ROPN1L: variants seen among roughly 807,000 people sequenced by gnomAD.
The protein encoded by ROPN1L is rhophilin associated tail protein 1 like.
A neutral mutation model predicts 22.7 loss-of-function variants in ROPN1L; 23 were observed. The observed-to-expected ratio is 1.01, with a 90% CI of 0.73 to 1.43. The LOEUF is 1.43. ROPN1L is among the 40% of genes most tolerant of loss of function. The pLI is 0.00. For synonymous variants in ROPN1L, 116 were observed against 117.8 expected (o/e 0.98, Z 0.10); for missense variants, 271 against 291.5 (o/e 0.93, Z 0.51).
intron 1 of ROPN1L, among the ~76,000 whole-genome samples, chr5:10,444,185 GTT>G (rs1740981284): frequency 6.6e-6 from 1 of 152,208 alleles, no homozygotes; most frequent in Admixed American, 6.5e-5. Context: ...ATTTATAAGA[GTT>G]TGTGCTGTAC....
intron 3 of ROPN1L, among the ~76,000 whole-genome samples, chr5:10,452,245 T>C (rs1206749737): frequency 1.3e-5 from 2 of 151,420 alleles, no homozygotes; most frequent in African/African-American, 4.9e-5. Flanking sequence ...GTTCTGGGAT[T>C]ATAGATTACA....
chr5:10,477,704 C>T, the ROPN1L span, among the ~76,000 whole-genome samples: 14 of 152,190 alleles, frequency 9.2e-5, no homozygotes, highest in Admixed American at 3.9e-4. Flanking sequence ...CCAAGGCAAT[C>T]GGATCATTTG....
chr5:10,462,659 C>T (rs1365241723), intron 4 of ROPN1L, among the ~76,000 whole-genome samples: 1 of 152,068 alleles, frequency 6.6e-6, no homozygotes, highest in Non-Finnish European at 1.5e-5. Flanking sequence ...TTTGGGAGTC[C>T]GAGGCAGGTG....
At chr5:10,476,251 C>T (rs910580500), downstream of ROPN1L, among the ~76,000 whole-genome samples, 1 of 152,244 alleles carries the variant, frequency 6.6e-6, no homozygotes, top group African/African-American at 2.4e-5. Flanking sequence ...CCAGCTCTGC[C>T]AGACCCCTCT....
intron 3 of ROPN1L, among the ~76,000 whole-genome samples, chr5:10,455,283 C>T (rs1741381974): frequency 6.6e-6 from 1 of 152,232 alleles, no homozygotes; most frequent in Non-Finnish European, 1.5e-5. Flanking sequence ...GTTTCCGCAG[C>T]TAGGGCTCGA....
rs148979217 is a variant in ROPN1L, at chr5:10,461,284, G to A, written c.518G>A (p.Arg173His). 4.3e-5 allele frequency: 70 copies of A among 1,614,026 alleles called. No individual in the cohort carries two copies. Among genetic ancestry groups the A allele is most frequent in the East Asian group, 2.0e-4 (9 of 44,884 alleles). Residue 173 changes from arginine to histidine, a missense_variant, in exon 4 of 5, where the codon CGC becomes CAC. Transcript: ENST00000274134. ...TTCAAGACGTTTTCCTACGTTTACC[G>A]CTACTTGGCCAGATTAGACTCAGAT... Reference protein sequence around the residue: ...IPFKTFSYVYRYLARLDSDVS... With the variant: ...IPFKTFSYVYHYLARLDSDVS...
chr5:10,467,514 C>T (rs1198374513), downstream of ROPN1L, among the ~76,000 whole-genome samples: 2 of 152,056 alleles, frequency 1.3e-5, no homozygotes, highest in Non-Finnish European at 2.9e-5. Context: ...GGTCTGGAGG[C>T]GGGAGGGGAG....
At chr5:10,445,856 G>A (rs1227181658) in intron 1 of ROPN1L, among the ~76,000 whole-genome samples, 1 of 152,212 alleles carries the variant, frequency 6.6e-6, no homozygotes, top group African/African-American at 2.4e-5. Flanking sequence ...CCAGGAGTTG[G>A]AGGCTTCAGT....
In ROPN1L at chr5:10,442,068, C is replaced by T. The variant is rs983380034; in HGVS notation, c.-100C>T. ...GATGGGAGGCGGCCCTGGCCGCAAG[C>T]CCCGCGCTGCTAGCGGGTCCACCGC... On this transcript the variant is annotated 5_prime_UTR_variant, in exon 1 of 5. Transcript: ENST00000274134. The T allele has an allele frequency of 3.3e-6, 5 of 1,510,554 alleles. No homozygotes were observed. The South Asian group carries it at 6.2e-5, about 19-fold the overall frequency. 93.6% of individuals were successfully genotyped at this position (1,510,554 alleles called of 1,614,324 possible). A position where few individuals can be genotyped will look rare whatever the true frequency, so the allele number is the denominator to read the frequency against.
At chr5:10,458,542 C>T (rs1231779072) in intron 3 of ROPN1L, among the ~76,000 whole-genome samples, 2 of 112,558 alleles carry the variant, frequency 1.8e-5, no homozygotes, top group Non-Finnish European at 3.7e-5. Flanking sequence ...CACCATCCCC[C>T]GTGTACACCA....
chr5:10,454,124 A>G (rs978201593), intron 3 of ROPN1L, among the ~76,000 whole-genome samples: 58 of 98,692 alleles, frequency 5.9e-4, no homozygotes, highest in African/African-American at 1.6e-3. Flanking sequence ...TGTGGCTTTT[A>G]TTTAATTTTT....
intron 3 of ROPN1L, among the ~76,000 whole-genome samples, chr5:10,452,658 A>G (rs1741296159): frequency 6.6e-6 from 1 of 152,122 alleles, no homozygotes; most frequent in African/African-American, 2.4e-5. Context: ...TATGTTAACA[A>G]TATAAAATTG....
At chr5:10,468,624 G>A (rs1476843825), downstream of ROPN1L, among the ~76,000 whole-genome samples, 1 of 152,240 alleles carries the variant, frequency 6.6e-6, no homozygotes. Flanking sequence ...TGGTCAAGAT[G>A]TTGAATAAAA....
rs1735122578 is a variant in ROPN1L at position 10,464,834 on chromosome 5, T to A, written c.594-14T>A. The A allele has an allele frequency of 1.3e-6, 2 of 1,494,790 alleles. No individual in the cohort carries two copies. Among genetic ancestry groups the A allele is most frequent in the Non-Finnish European group, 1.8e-6 (2 of 1,092,560 alleles). 92.6% of individuals were successfully genotyped at this position (1,494,790 alleles called of 1,614,324 possible). ...GAAATTACCAATAAATATCTTTATCTGTTTCCAATTTAGAGACGCCAGGAA... is the reference window on the plus strand; with the variant it reads ...GAAATTACCAATAAATATCTTTATCAGTTTCCAATTTAGAGACGCCAGGAA... On this transcript the variant is annotated splice_polypyrimidine_tract_variant and intron_variant, in intron 4 of 4. Transcript: ENST00000274134.
At chr5:10,471,185 TG>T (rs1735239337) in intron 4 of ROPN1L, among the ~76,000 whole-genome samples, 1 of 152,238 alleles carries the variant, frequency 6.6e-6, no homozygotes, top group Non-Finnish European at 1.5e-5. Flanking sequence ...TTGCCCAGGC[TG>T]GAGTGCAGTA....
intron 1 of ROPN1L, among the ~76,000 whole-genome samples, chr5:10,445,509 G>A (rs749537166): frequency 4.6e-5 from 7 of 152,166 alleles, no homozygotes; most frequent in Non-Finnish European, 1.0e-4. Context: ...TGGGGCTTGG[G>A]TGGGGTGGAG....
intron 1 of ROPN1L, among the ~76,000 whole-genome samples, chr5:10,444,553 A>G (rs971750849): frequency 6.6e-6 from 1 of 151,546 alleles, no homozygotes; most frequent in South Asian, 2.1e-4. Context: ...GGCCTCCCAA[A>G]GTGCTGGGAT....
chr5:10,447,820 AC>A (rs1741118216), intron 1 of ROPN1L, among the ~76,000 whole-genome samples: 1 of 152,130 alleles, frequency 6.6e-6, no homozygotes, highest in Admixed American at 6.6e-5. Context: ...GGTTGAGGCT[AC>A]AGTGAGCCAT....
At chr5:10,449,848 C>T in intron 2 of ROPN1L, 104 bp from the exon 3 acceptor site, 1 of 941,508 alleles carries the variant, frequency 1.1e-6, no homozygotes, top group South Asian at 1.7e-5. Flanking sequence ...TCATCTGTCC[C>T]CTGCATGGGG....
Sources: gnomAD v4.1 joint callset for allele counts (sites outside exome capture counted in the v4.1 genomes callset) on GRCh38, gnomAD v4.1.1 for gene constraint, MANE v1.5 for transcripts, NCBI Gene and HGNC (gene_info 2026-07-23, HGNC 2026-07-21) for gene names.